The following NELL1 variants were observed in gnomAD, a reference collection of about 807,000 sequenced individuals.
NELL1 encodes the protein neural EGFL like 1.
Under a neutral mutation model 107.4 loss-of-function variants are expected in NELL1, and 76 were observed. The ratio of observed to expected loss-of-function variants is 0.71; its 90% CI spans 0.59 to 0.86. The LOEUF is 0.86. Among genes scored for constraint, NELL1 ranks in the 40% least tolerant of loss-of-function variants. The probability of loss-of-function intolerance (pLI) is 0.00; values close to 1 mark genes in which losing one functional copy is unlikely to be tolerated. For synonymous variants in NELL1, 353 were observed against 341.2 expected, an observed-to-expected ratio of 1.03 and a Z score of -0.38; for missense variants, 1,024 against 1,005.5, an observed-to-expected ratio of 1.02 and a Z score of -0.25.
At chr11:20,867,977 G>A (rs1431346846) in intron 4 of NELL1, among the ~76,000 whole-genome samples, 2 of 152,228 alleles carry the variant, frequency 1.3e-5, no homozygotes, top group African/African-American at 2.4e-5. Flanking sequence ...CAGAGAAATA[G>A]AGGGAGGGTG....
intron 13 of NELL1, among the ~76,000 whole-genome samples, chr11:21,114,414 T>C (rs1361489109): frequency 1.3e-5 from 2 of 152,036 alleles, no homozygotes; most frequent in Non-Finnish European, 2.9e-5. Flanking sequence ...CTGTAAGTTA[T>C]AAGAAAAGGG....
At chr11:20,941,218 G>T (rs924517125) in intron 10 of NELL1, among the ~76,000 whole-genome samples, 5 of 152,202 alleles carry the variant, frequency 3.3e-5, no homozygotes, top group African/African-American at 1.2e-4. Context: ...TAGGTTAGTG[G>T]ATTTCCATGG....
At chr11:20,772,594 T>A (rs555286303) in intron 2 of NELL1, among the ~76,000 whole-genome samples, 1 of 146,362 alleles carries the variant, frequency 6.8e-6, no homozygotes, top group East Asian at 2.0e-4. Flanking sequence ...AGGTGCCTAT[T>A]ACCTAAATAT....
At chr11:21,287,648 G>A (rs141748157) in intron 14 of NELL1, among the ~76,000 whole-genome samples, 2 of 152,016 alleles carry the variant, frequency 1.3e-5, no homozygotes. Context: ...ATACAGTCTT[G>A]GTTCCTTTCT....
chr11:20,878,132 G>A (rs1191203643), intron 4 of NELL1, among the ~76,000 whole-genome samples: 4 of 151,928 alleles, frequency 2.6e-5, no homozygotes, highest in Admixed American at 1.3e-4. Context: ...AGGCTGAGGC[G>A]GGTGGATCAT....
At chr11:21,472,498 C>G (rs1854208813) in intron 15 of NELL1, among the ~76,000 whole-genome samples, 1 of 151,984 alleles carries the variant, frequency 6.6e-6, no homozygotes, top group Non-Finnish European at 1.5e-5. Context: ...CAGTTAACTA[C>G]TGAGAGCATG....
intron 3 of NELL1, among the ~76,000 whole-genome samples, chr11:20,842,801 G>T (rs922176806): frequency 2.6e-5 from 4 of 152,186 alleles, no homozygotes; most frequent in African/African-American, 9.7e-5. Flanking sequence ...CACTACTATA[G>T]AAATATTTGT....
chr11:21,258,043 C>G (rs994499089), intron 14 of NELL1, among the ~76,000 whole-genome samples: 3 of 152,032 alleles, frequency 2.0e-5, no homozygotes, highest in Non-Finnish European at 4.4e-5. Context: ...AAGTGCTCAA[C>G]TACAGGAGAC....
At chr11:21,069,377 T>G (rs927192284) in intron 12 of NELL1, among the ~76,000 whole-genome samples, 1 of 152,212 alleles carries the variant, frequency 6.6e-6, no homozygotes, top group African/African-American at 2.4e-5. Flanking sequence ...TTACTCACAG[T>G]ATCATCCATT....
At chr11:20,817,885 A>G (rs1387517678) in intron 3 of NELL1, among the ~76,000 whole-genome samples, 1 of 151,754 alleles carries the variant, frequency 6.6e-6, no homozygotes, top group African/African-American at 2.4e-5. Context: ...AAAGTCATTC[A>G]GGAACTAGTT....
intron 14 of NELL1, among the ~76,000 whole-genome samples, chr11:21,262,279 C>T (rs898555908): frequency 6.6e-6 from 1 of 151,766 alleles, no homozygotes; most frequent in African/African-American, 2.4e-5. Context: ...GGGAATATAT[C>T]TGTACCATGA....
chr11:21,266,778 T>C lies in NELL1; in HGVS notation c.1549+37324T>C, dbSNP rs372756203. Among the ~76,000 whole-genome samples, 21 of 152,218 alleles carry C rather than the reference T, an allele frequency of 1.4e-4. No individual in the cohort carries two copies. The East Asian group carries it at 2.5e-3, about 18-fold the overall frequency. Reference sequence around the variant, plus strand: ...GGATCACGATCAGTTATAGCACGTGTCAAAACTACTCACTCATAAGAATTG... The same window carrying C: ...GGATCACGATCAGTTATAGCACGTGCCAAAACTACTCACTCATAAGAATTG... On this transcript the variant is annotated intron_variant, in intron 14 of 19. Transcript: ENST00000357134.
intron 13 of NELL1, among the ~76,000 whole-genome samples, chr11:21,195,567 T>A (rs200543081): frequency 6.7e-5 from 9 of 134,632 alleles, no homozygotes; most frequent in Non-Finnish European, 1.1e-4. Context: ...TTAAGAAAAG[T>A]AAAAAAAAAA....
intron 12 of NELL1, among the ~76,000 whole-genome samples, chr11:21,050,968 T>A (rs1164044179): frequency 6.6e-6 from 1 of 152,066 alleles, no homozygotes; most frequent in African/African-American, 2.4e-5. Flanking sequence ...GATCCCAGGG[T>A]CAGGAGCCTC....
chr11:21,193,156 C>A (rs1178658296), intron 13 of NELL1, among the ~76,000 whole-genome samples: 1 of 151,716 alleles, frequency 6.6e-6, no homozygotes, highest in Non-Finnish European at 1.5e-5. Flanking sequence ...ATGCGAAAAT[C>A]CAAAAATTTA....
chr11:21,552,126 G>T (rs1342230486), intron 16 of NELL1, among the ~76,000 whole-genome samples: 1 of 130,534 alleles, frequency 7.7e-6, no homozygotes, highest in Non-Finnish European at 1.6e-5. Context: ...ATCACTCTCT[G>T]GGGACTGTTG....
chr11:21,445,943 T>A (rs1212902948), intron 15 of NELL1, among the ~76,000 whole-genome samples: 1 of 152,158 alleles, frequency 6.6e-6, no homozygotes, highest in Non-Finnish European at 1.5e-5. Flanking sequence ...CTACCCCTAT[T>A]AATCTCTCTA....
At chr11:21,194,216 T>C (rs1857103585) in intron 13 of NELL1, among the ~76,000 whole-genome samples, 1 of 149,528 alleles carries the variant, frequency 6.7e-6, no homozygotes, top group African/African-American at 2.6e-5. Context: ...GCCTCCAGAC[T>C]CTCTAGCACC....
rs1565175539 is a variant in NELL1, at chr11:21,337,827, T to TTG, written c.1550-33026_1550-33025insTG. On this transcript the variant is annotated intron_variant, in intron 14 of 19. Transcript: ENST00000357134. ...TTCTTTCTTGCTTTCCTTCTTTCTTTCTTTCTTTCTTTTCTTTCTTTCTTT... is the reference window on the plus strand; with the variant it reads ...TTCTTTCTTGCTTTCCTTCTTTCTTTTGCTTTCTTTCTTTTCTTTCTTTCTTT... 9.0e-4 allele frequency among the ~76,000 whole-genome samples: 95 copies of TTG among 105,508 alleles called. 6 individuals are homozygous for TTG. The South Asian group carries it at 0.032, about 36-fold the overall frequency. The allele number at this position is 105,508 out of a possible 152,430, so 69.2% of individuals were successfully genotyped here.
Sources: allele counts gnomAD v4.1 joint callset (sites outside exome capture counted in the v4.1 genomes callset), GRCh38; gene constraint gnomAD v4.1.1; transcripts MANE v1.5; gene names NCBI Gene and HGNC (gene_info 2026-07-23, HGNC 2026-07-21).